Variants in ERMARD observed in about 807,000 individuals in gnomAD.
ERMARD encodes the protein endoplasmic reticulum membrane-associated RNA degradation protein.
In ERMARD, 71 loss-of-function variants were observed where a neutral mutation model predicts 83.9. That is an observed-to-expected ratio of 0.85 (90% CI 0.70 to 1.03). ERMARD has a LOEUF of 1.03. ERMARD is among the 50% of genes least tolerant of loss of function. The pLI is 0.00. For missense variants in ERMARD, 838 were observed against 810.9 expected (o/e 1.03, Z -0.41); for synonymous variants, 284 against 298.6 (o/e 0.95, Z 0.50).
At chr6:169,775,233 G>A (rs1454863685) in intron 13 of ERMARD, 37 bp from the exon 14 acceptor site, 14 of 1,602,906 alleles carry the variant, frequency 8.7e-6, no homozygotes, top group Non-Finnish European at 1.2e-5. Flanking sequence ...GGAAGTTACT[G>A]TGAAATCTAC....
intron 11 of ERMARD, among the ~76,000 whole-genome samples, chr6:169,768,851 A>AT (rs1444547019): frequency 1.3e-5 from 2 of 152,178 alleles, no homozygotes; most frequent in Admixed American, 6.5e-5. Context: ...CCATCTATCC[A>AT]TTTTTTTATA....
Position 169,756,443 on chromosome 6 carries a change from A to C in ERMARD, c.417+4A>C, listed in dbSNP as rs1412874289. 6.3e-7 allele frequency: 1 copy of C among 1,588,088 alleles called. No individual in the cohort carries two copies. On this transcript the variant is annotated splice_donor_region_variant and intron_variant, in intron 4 of 17. Coordinates refer to ENST00000366773, the MANE Select transcript of ERMARD (RefSeq NM_018341.3). ...TCTAGAACGAGCCTTGGGTGATGTA[A>C]GTGTGAGAACTCTTTCATTATTGGC...
In ERMARD at chr6:169,760,755, A is replaced by G. The variant is rs750296223; in HGVS notation, c.856A>G (p.Arg286Gly). Reference protein sequence around the residue: ...EVALVKFKSHRFADCAILLLT... With the variant: ...EVALVKFKSHGFADCAILLLT... ...TGCACTGGTCAAGTTCAAGTCACAC[A>G]GGTAACTAAAGGGTACATGGCAGAG... The change falls in exon 8 of 18, where the codon AGG (arginine) becomes GGG (glycine). Residue 286 changes from arginine (R) to glycine (G), a missense_variant and splice_region_variant. Coordinates refer to ENST00000366773, the MANE Select transcript of ERMARD (RefSeq NM_018341.3). 6 of 1,602,786 alleles carry G rather than the reference A, an allele frequency of 3.7e-6. No homozygotes were observed. The African/African-American group carries it at 4.0e-5, about 11-fold the overall frequency.
At position 169,753,995 on chromosome 6, in the gene ERMARD, G is replaced by C. The variant is rs1197839775; in HGVS notation, c.138G>C (p.Trp46Cys). 6.2e-7 allele frequency: 1 copy of C among 1,613,154 alleles called. No homozygotes were observed. Among genetic ancestry groups the C allele is most frequent in the Non-Finnish European group, 8.5e-7 (1 of 1,179,430 alleles). Residue 46 changes from tryptophan (W) to cysteine (C), a missense_variant, in exon 2 of 18, where the codon TGG (tryptophan) becomes TGC (cysteine). Physicochemically the swap from Trp to Cys is radical, Grantham distance 215 (BLOSUM62 -2). Coordinates refer to ENST00000366773, the MANE Select transcript of ERMARD (RefSeq NM_018341.3). ...TAACTCAGAATGGTGAAGTATGCTG[G>C]AAAACAATCACAGACTGTGTGAGCT... ...SIVTQNGEVC[W>C]KTITDCVSYT...
intron 5 of ERMARD, 24 bp downstream of exon 5, chr6:169,756,832 T>G: frequency 6.3e-7 from 1 of 1,598,216 alleles, no homozygotes; most frequent in Non-Finnish European, 8.6e-7. Flanking sequence ...TCTAAACTCA[T>G]GGAGTATATT....
At position 169,776,671 on chromosome 6, in the gene ERMARD, T is replaced by C. The variant is rs1164518894; in HGVS notation, c.1737T>C (p.Ser579=). ...RQRQNYLRMW[S]SIRLLSPVLS... ...GGCAGAACTACCTGCGTATGTGGAG[T>C]AGGTGCGCGCTCACTTTCCTGTTTT... The change falls in exon 16 of 18, where the codon AGT becomes AGC. Residue 579 remains serine, a splice_region_variant and synonymous_variant. Transcript: ENST00000366773. 1 of 1,613,060 alleles carries C rather than the reference T, an allele frequency of 6.2e-7. No individual in the cohort carries two copies. The highest frequency in any genetic ancestry group is 8.5e-7 in the Non-Finnish European group (1 of 1,179,882).
intron 7 of ERMARD, 137 bp from the exon 8 acceptor site, chr6:169,760,502 CTCT>C (rs1791409730): frequency 3.2e-6 from 2 of 630,118 alleles, no homozygotes; most frequent in Non-Finnish European, 5.5e-6. Flanking sequence ...CAATCCTACT[CTCT>C]AACAAGTCCC....
At chr6:169,778,797 A>T (rs539429343) in intron 16 of ERMARD, among the ~76,000 whole-genome samples, 31 of 152,334 alleles carry the variant, frequency 2.0e-4, no homozygotes, top group African/African-American at 7.0e-4. Context: ...TATCGAGGCC[A>T]TTTGTTTTTC....
chr6:169,775,230 A>C (rs1372107951), intron 13 of ERMARD, 40 bp from the exon 14 acceptor site: 1 of 1,594,068 alleles, frequency 6.3e-7, no homozygotes, highest in African/African-American at 1.3e-5. Context: ...CTAGGAAGTT[A>C]CTGTGAAATC....
At chr6:169,757,232 T>C (rs1490976180) in intron 5 of ERMARD, among the ~76,000 whole-genome samples, 2 of 152,196 alleles carry the variant, frequency 1.3e-5, no homozygotes, top group African/African-American at 4.8e-5. Context: ...TGCTGAGCTT[T>C]TGTTCTTCCC....
intron 5 of ERMARD, 85 bp from the exon 6 acceptor site, chr6:169,758,883 A>C: frequency 7.8e-7 from 1 of 1,275,172 alleles, no homozygotes; most frequent in Non-Finnish European, 1.1e-6. Flanking sequence ...CTCAGTTAAA[A>C]AGAGGAACAC....
rs1243226667 is a variant in ERMARD at position 169,781,450 on chromosome 6, TAGTG to T, written c.1977_1980del (p.Ser659ArgfsTer6). 6.2e-7 allele frequency: 1 copy of T among 1,611,834 alleles called. No homozygotes were observed. Among genetic ancestry groups the T allele is most frequent in the Admixed American group, 1.7e-5 (1 of 59,710 alleles). On this transcript the variant is annotated frameshift_variant, in exon 18 of 18. Transcript: ENST00000366773. LOFTEE classifies it low-confidence loss of function (END_TRUNC). ...CAGCTTTGTTGAAAATGTGGACTTT[TAGTG>T]AGAAGAAACAAATGTTAATACATTT...
chr6:169,756,212 A>T, intron 3 of ERMARD, 126 bp from the exon 4 acceptor site: 1 of 482,002 alleles, frequency 2.1e-6, no homozygotes, highest in Non-Finnish European at 3.6e-6. Flanking sequence ...GAAAATGTTT[A>T]CTTATTCACT....
chr6:169,767,855 A>G lies in ERMARD; in HGVS notation c.991-248A>G, dbSNP rs1792415960. 1.1e-5 allele frequency: 6 copies of G among 530,546 alleles called. No homozygotes were observed. In the South Asian group the frequency reaches 1.3e-4, roughly 12 times the overall value. 32.9% of individuals were successfully genotyped at this position (530,546 alleles called of 1,614,324 possible). A position where few individuals can be genotyped will look rare whatever the true frequency, so the allele number is the denominator to read the frequency against. On this transcript the variant is annotated intron_variant, in intron 10 of 17. Transcript: ENST00000366773. ...ATGCACATACACATATACACACCAC[A>G]CATATTCATAGTCACATACACAAAC...
chr6:169,755,949 T>C (rs891776754), intron 3 of ERMARD, among the ~76,000 whole-genome samples: 1 of 152,172 alleles, frequency 6.6e-6, no homozygotes, highest in Non-Finnish European at 1.5e-5. Context: ...CTGCTTTGAA[T>C]TTGGAGTGAA....
chr6:169,773,913 A>G (rs1320600227), intron 13 of ERMARD, among the ~76,000 whole-genome samples: 2 of 152,240 alleles, frequency 1.3e-5, no homozygotes, highest in African/African-American at 4.8e-5. Context: ...TGAAAGAGAC[A>G]GTCCCCAAGA....
chr6:169,775,762 A>G (rs753260222), intron 14 of ERMARD, 178 bp from the exon 15 acceptor site: 7 of 777,850 alleles, frequency 9.0e-6, no homozygotes, highest in East Asian at 2.7e-5. Context: ...TGCTCTTGGC[A>G]TATGGCATCG....
chr6:169,780,390 T>C (rs1240769705), intron 17 of ERMARD, among the ~76,000 whole-genome samples: 1 of 152,216 alleles, frequency 6.6e-6, no homozygotes, highest in Admixed American at 6.5e-5. Flanking sequence ...CTTTTCATTA[T>C]ATTATCCTTT....
At chr6:169,758,526 A>G (rs896974800) in intron 5 of ERMARD, among the ~76,000 whole-genome samples, 2 of 152,220 alleles carry the variant, frequency 1.3e-5, no homozygotes, top group African/African-American at 2.4e-5. Context: ...TAACCACACA[A>G]TTGCGTGCTG....
Sources: gnomAD v4.1 joint callset for allele counts (sites outside exome capture counted in the v4.1 genomes callset) on GRCh38, gnomAD v4.1.1 for gene constraint, MANE v1.5 for transcripts, NCBI Gene and HGNC (gene_info 2026-07-23, HGNC 2026-07-21) for gene names.